MLIP: variants seen among roughly 807,000 people sequenced by gnomAD.
MLIP encodes muscular LMNA-interacting protein.
MLIP carries 79 observed loss-of-function variants against 84.8 expected under a neutral mutation model. The ratio of observed to expected loss-of-function variants is 0.93; its 90% CI spans 0.78 to 1.12. The LOEUF is 1.12. Ranked by LOEUF, MLIP falls within the 50% of genes most tolerant of loss-of-function variation. The pLI, the probability that MLIP is intolerant of heterozygous loss-of-function variation, is 0.00. For missense variants in MLIP, 1,257 were observed against 1,160.6 expected, an observed-to-expected ratio of 1.08 and a Z score of -1.21; for synonymous variants, 504 against 463.0, an observed-to-expected ratio of 1.09 and a Z score of -1.14.
At chr6:54,246,385 CT>C (rs986442131) in intron 12 of MLIP, among the ~76,000 whole-genome samples, 38 of 151,980 alleles carry the variant, frequency 2.5e-4, no homozygotes, top group African/African-American at 8.5e-4. Flanking sequence ...TATATAATAT[CT>C]TTTTTTCTGT....
intron 1 of MLIP, among the ~76,000 whole-genome samples, chr6:54,083,923 C>A (rs1767323422): frequency 6.6e-6 from 1 of 152,006 alleles, no homozygotes; most frequent in African/African-American, 2.4e-5. Context: ...AATTGCTTTG[C>A]ATTTAAGCTG....
intron 3 of MLIP, 119 bp downstream of exon 3, chr6:54,124,984 A>G (rs1770800030): frequency 3.7e-6 from 3 of 810,156 alleles, no homozygotes; most frequent in Non-Finnish European, 5.4e-6. Context: ...AGAAAAATAT[A>G]TTTAAAAAAC....
upstream of MLIP, among the ~76,000 whole-genome samples, chr6:54,108,479 A>G (rs573256720): frequency 2.0e-5 from 3 of 152,342 alleles, no homozygotes; most frequent in East Asian, 5.8e-4. Context: ...TCCAAAATAC[A>G]TGTGCTCTTT....
At chr6:54,166,416 C>T (rs921691659) in intron 8 of MLIP, among the ~76,000 whole-genome samples, 1 of 151,818 alleles carries the variant, frequency 6.6e-6, no homozygotes, top group Non-Finnish European at 1.5e-5. Flanking sequence ...TCACCAAAAC[C>T]CCTTTTTCCA....
intron 1 of MLIP, among the ~76,000 whole-genome samples, chr6:54,049,193 A>T (rs1226944886): frequency 6.6e-6 from 1 of 152,184 alleles, no homozygotes; most frequent in Non-Finnish European, 1.5e-5. Context: ...AAGCCCACAA[A>T]AGATCAGTGT....
Position 54,230,832 on chromosome 6 carries a change from C to A in MLIP, c.2837C>A (p.Pro946Gln). The stretch of plus-strand genomic sequence containing the variant: ...CTCTCACATGCTGACTGTCTTGCCC[C>A]AGGACCCTTCAGTCATCTGTCCTTC... Reference protein sequence around the residue: ...QTLSHADCLAPGPFSHLSFSL... With the variant: ...QTLSHADCLAQGPFSHLSFSL... The change falls in exon 12 of 14, where the codon CCA becomes CAA. Residue 946 changes from proline (P) to glutamine (Q), a missense_variant. Coordinates refer to ENST00000502396, the MANE Select transcript of MLIP (RefSeq NM_001281747.2). 6.8e-6 allele frequency: 11 copies of A among 1,614,050 alleles called. No individual in the cohort carries two copies. The highest frequency in any genetic ancestry group is 9.3e-6 in the Non-Finnish European group (11 of 1,180,002).
Position 54,111,519 on chromosome 6 carries a change from A to T in MLIP, c.40A>T (p.Asn14Tyr), listed in dbSNP as rs773671675. The T allele has an allele frequency of 2.1e-4, 329 of 1,535,916 alleles. No individual in the cohort carries two copies. Among genetic ancestry groups the T allele is most frequent in the Non-Finnish European group, 2.7e-4 (315 of 1,146,872 alleles). ...GGGGCTTCTGAGTGACTGCGGGAACAATTACTTCCAAATGACCTCGTGCAT... is the reference window on the plus strand; with the variant it reads ...GGGGCTTCTGAGTGACTGCGGGAACTATTACTTCCAAATGACCTCGTGCAT... ...EQGLLSDCGN[N>Y]YFQMTSCILS... Residue 14 changes from asparagine to tyrosine, a missense_variant, in exon 1 of 14, where the codon AAT becomes TAT. Physicochemically the swap from Asn to Tyr is moderately radical, Grantham distance 143 (BLOSUM62 -2). Transcript: ENST00000502396.
chr6:54,061,342 C>T (rs1765954337), intron 1 of MLIP, among the ~76,000 whole-genome samples: 1 of 152,092 alleles, frequency 6.6e-6, no homozygotes, highest in Non-Finnish European at 1.5e-5. Flanking sequence ...AAGCTGAGTG[C>T]TAGGCTGCAC....
At chr6:54,037,201 G>A (rs1198995858) in intron 1 of MLIP, among the ~76,000 whole-genome samples, 2 of 151,954 alleles carry the variant, frequency 1.3e-5, no homozygotes, top group Non-Finnish European at 2.9e-5. Context: ...AAGGATTGGT[G>A]ACAATGCTTA....
At chr6:54,173,384 GC>G (rs1460466557) in intron 9 of MLIP, among the ~76,000 whole-genome samples, 1 of 151,612 alleles carries the variant, frequency 6.6e-6, no homozygotes, top group Admixed American at 6.6e-5. Context: ...ATAACCTTCA[GC>G]CTAAACTTAG....
At chr6:54,051,534 C>T (rs1765373208) in intron 1 of MLIP, among the ~76,000 whole-genome samples, 1 of 152,012 alleles carries the variant, frequency 6.6e-6, no homozygotes, top group Non-Finnish European at 1.5e-5. Flanking sequence ...TTCCTCTTTA[C>T]CTGTGTTTGA....
At chr6:54,154,897 T>C (rs1773857729) in intron 5 of MLIP, among the ~76,000 whole-genome samples, 1 of 152,032 alleles carries the variant, frequency 6.6e-6, no homozygotes, top group East Asian at 1.9e-4. Flanking sequence ...AGGAGGTGCT[T>C]CTGGAAATAA....
chr6:54,195,177 T>A (rs1465722811), intron 10 of MLIP, among the ~76,000 whole-genome samples: 1 of 152,020 alleles, frequency 6.6e-6, no homozygotes, highest in Non-Finnish European at 1.5e-5. Flanking sequence ...AAAACAACCA[T>A]GGCACTTTCA....
chr6:54,146,788 G>T (rs1772884633), intron 4 of MLIP, among the ~76,000 whole-genome samples: 1 of 152,182 alleles, frequency 6.6e-6, no homozygotes, highest in African/African-American at 2.4e-5. Flanking sequence ...CTTTAGGGAA[G>T]TTGAGGATAG....
Position 54,215,248 on chromosome 6 carries a change from C to T in MLIP, c.2718+13015C>T, listed in dbSNP as rs777060367. ...TGTGGCTAGTTACTGTAGCCTTTGA[C>T]TTTCCTACTTCCTGAAAAAGAGAAA... On this transcript the variant is annotated intron_variant, in intron 11 of 13. Coordinates refer to ENST00000502396, the MANE Select transcript of MLIP (RefSeq NM_001281747.2). 9 of 1,504,034 alleles carry T rather than the reference C, an allele frequency of 6.0e-6. No individual in the cohort carries two copies. In the Middle Eastern group the frequency reaches 1.3e-3, roughly 218 times the overall value. The allele number at this position is 1,504,034 out of a possible 1,614,324, so 93.2% of individuals were successfully genotyped here.
chr6:54,181,074 G>A (rs1419433758), intron 9 of MLIP, among the ~76,000 whole-genome samples: 2 of 152,134 alleles, frequency 1.3e-5, no homozygotes, highest in Non-Finnish European at 2.9e-5. Flanking sequence ...GGAACTGGGG[G>A]TGAGATGCAT....
intron 8 of MLIP, among the ~76,000 whole-genome samples, chr6:54,162,534 A>T (rs558988650): frequency 2.2e-4 from 34 of 151,996 alleles, no homozygotes; most frequent in African/African-American, 7.9e-4. Context: ...GGCTGCTGTG[A>T]GGAGGCTGCT....
At chr6:54,049,842 T>G (rs971113815) in intron 1 of MLIP, among the ~76,000 whole-genome samples, 2 of 152,210 alleles carry the variant, frequency 1.3e-5, no homozygotes, top group Admixed American at 6.5e-5. Flanking sequence ...TGAAGTAATA[T>G]CCAAAGGAAA....
chr6:54,068,036 T>TTC (rs1766293035), intron 1 of MLIP, among the ~76,000 whole-genome samples: 1 of 16,780 alleles, frequency 6.0e-5, no homozygotes, highest in African/African-American at 1.2e-4. Context: ...TCCTTCCTTT[T>TTC]TTCTTTCCTT....
Sources: gnomAD v4.1 joint callset for allele counts (sites outside exome capture counted in the v4.1 genomes callset) on GRCh38, gnomAD v4.1.1 for gene constraint, MANE v1.5 for transcripts, NCBI Gene and HGNC (gene_info 2026-07-23, HGNC 2026-07-21) for gene names.